Variants in SPEN observed in about 807,000 individuals in gnomAD.
The protein encoded by SPEN is msx2-interacting protein.
In SPEN, 18 loss-of-function variants were observed where a neutral mutation model predicts 269.9. That is an observed-to-expected ratio of 0.07 (90% CI 0.05 to 0.10). The LOEUF (loss-of-function observed/expected upper bound fraction) is 0.10, where lower values mean the gene tolerates loss of function less well. SPEN is among the 10% of genes least tolerant of loss of function. The pLI, the probability that SPEN is intolerant of heterozygous loss-of-function variation, is 1.00. For synonymous variants in SPEN, 1,726 were observed against 1,765.7 expected, an observed-to-expected ratio of 0.98 and a Z score of 0.56; for missense variants, 3,822 against 4,631.2, an observed-to-expected ratio of 0.83 and a Z score of 5.07.
chr1:15,868,617 G>A (rs901371020), intron 1 of SPEN, among the ~76,000 whole-genome samples: 3 of 151,906 alleles, frequency 2.0e-5, no homozygotes, highest in Non-Finnish European at 2.9e-5. Flanking sequence ...TGTATTTTTA[G>A]TAGAGATGGG....
At chr1:15,881,989 C>T (rs139642392) in intron 3 of SPEN, among the ~76,000 whole-genome samples, 1 of 152,282 alleles carries the variant, frequency 6.6e-6, no homozygotes, top group African/African-American at 2.4e-5. Flanking sequence ...AAATTAATCA[C>T]CCTCCATCCT....
chr1:15,869,305 T>G (rs1179058222), intron 1 of SPEN, among the ~76,000 whole-genome samples: 2 of 152,096 alleles, frequency 1.3e-5, no homozygotes, highest in African/African-American at 4.8e-5. Flanking sequence ...TCTGCCTGCC[T>G]TGGCCCTCCC....
intron 1 of SPEN, among the ~76,000 whole-genome samples, chr1:15,855,542 T>C (rs1406870780): frequency 6.6e-6 from 1 of 152,188 alleles, no homozygotes; most frequent in Non-Finnish European, 1.5e-5. Flanking sequence ...AAGTATTTTG[T>C]CTGAACCAGT....
chr1:15,879,549 A>G (rs1031355459), intron 3 of SPEN, among the ~76,000 whole-genome samples: 15 of 152,178 alleles, frequency 9.9e-5, no homozygotes, highest in Admixed American at 6.6e-5. Context: ...AATTACAATA[A>G]AAAAGTTAGT....
At chr1:15,915,710 A>AT (rs989971719) in intron 5 of SPEN, among the ~76,000 whole-genome samples, 27 of 151,208 alleles carry the variant, frequency 1.8e-4, no homozygotes, top group Admixed American at 1.2e-3. Flanking sequence ...AATTTTTTGT[A>AT]TTTTTTTTGG....
intron 1 of SPEN, among the ~76,000 whole-genome samples, chr1:15,853,625 C>T (rs1455383855): frequency 6.6e-6 from 1 of 151,812 alleles, no homozygotes; most frequent in African/African-American, 2.4e-5. Context: ...TCCTGAATAG[C>T]TGGGATTATA....
intron 3 of SPEN, among the ~76,000 whole-genome samples, chr1:15,876,914 A>G (rs1343529415): frequency 6.6e-6 from 1 of 152,228 alleles, no homozygotes; most frequent in Non-Finnish European, 1.5e-5. Flanking sequence ...TTAAAATTAA[A>G]TGATCAAAGT....
chr1:15,908,349 C>T (rs1008259827), intron 3 of SPEN, among the ~76,000 whole-genome samples: 1 of 152,178 alleles, frequency 6.6e-6, no homozygotes, highest in African/African-American at 2.4e-5. Context: ...TAGGTGTGAG[C>T]CACCACACCC....
At chr1:15,859,615 C>T (rs1054408492) in intron 1 of SPEN, among the ~76,000 whole-genome samples, 7 of 151,824 alleles carry the variant, frequency 4.6e-5, no homozygotes, top group African/African-American at 1.5e-4. Context: ...GTGATCCGCC[C>T]GCCTCGGCCT....
At position 15,920,899 on chromosome 1, in the gene SPEN, C is replaced by T; in HGVS notation, c.1665C>T (p.Ala555=). 2 of 1,612,192 alleles carry T rather than the reference C, an allele frequency of 1.2e-6. No individual in the cohort carries two copies. The highest frequency in any genetic ancestry group is 1.7e-6 in the Non-Finnish European group (2 of 1,179,360). ...TGTTTGACCGCTTAAAAGGCATGGC[C>T]CTGGTTCTCTACAATGAAATTGAAT... The part of the protein sequence containing the change: ...KVVFDRLKGM[A]LVLYNEIEYA... The change falls in exon 9 of 15, where the codon GCC becomes GCT. Residue 555 remains alanine (A), a synonymous_variant. Transcript: ENST00000375759.
At position 15,848,561 on chromosome 1, in the gene SPEN, C is replaced by T. The variant is rs1422862705; in HGVS notation, c.83+411C>T. ...ACCCGAGCCCGCCCGACAGCCGGGT[C>T]CGGCGCCGCCACTCCAAGCTGCTCT... On this transcript the variant is annotated intron_variant, in intron 1 of 14. Coordinates refer to ENST00000375759, the MANE Select transcript of SPEN (RefSeq NM_015001.3). This position sits in a 1 kb window ranked among gnomAD's most constrained non-coding sequence, Gnocchi z 5.1. Among the ~76,000 whole-genome samples the T allele has an allele frequency of 6.6e-6, 1 of 152,082 alleles. No homozygotes were observed. The highest frequency in any genetic ancestry group is 1.5e-5 in the Non-Finnish European group (1 of 67,964).
chr1:15,876,797 T>C (rs1293942938), intron 3 of SPEN, 119 bp downstream of exon 3: 2 of 804,420 alleles, frequency 2.5e-6, no homozygotes, highest in African/African-American at 3.5e-5. Context: ...CATATATGTA[T>C]GTAATCAGTA....
At chr1:15,912,469 A>C (rs758362651) in intron 5 of SPEN, among the ~76,000 whole-genome samples, 13 of 152,200 alleles carry the variant, frequency 8.5e-5, no homozygotes, top group Non-Finnish European at 1.6e-4. Context: ...TTATAGGATA[A>C]ATATGAATAT....
Position 15,931,875 on chromosome 1 carries a change from G to C in SPEN, c.5635G>C (p.Ala1879Pro). Residue 1879 changes from alanine (A) to proline (P), a missense_variant, in exon 11 of 15, where the codon GCT becomes CCT. Physicochemically the swap from Ala to Pro is conservative, Grantham distance 27. Around this residue, in one of 16 missense-constraint regions of SPEN, gnomAD observed 533 missense variants for 618.8 expected, o/e 0.86. Coordinates refer to ENST00000375759, the MANE Select transcript of SPEN (RefSeq NM_015001.3). The surrounding 1 kb of genome is among the most constrained non-coding windows in gnomAD (Gnocchi z 4.8). ...KMEAEKITRTASKNSAADLEH... is the reference protein window; with the variant it reads ...KMEAEKITRTPSKNSAADLEH... ...GGAGGCAGAGAAGATTACAAGGACT[G>C]CTTCTAAAAACTCTGCTGCAGACCT... 6.2e-7 allele frequency: 1 copy of C among 1,614,224 alleles called. No homozygotes were observed. The highest frequency in any genetic ancestry group is 8.5e-7 in the Non-Finnish European group (1 of 1,180,046).
At chr1:15,936,541 T>C (rs2071277081) in intron 11 of SPEN, among the ~76,000 whole-genome samples, 1 of 150,656 alleles carries the variant, frequency 6.6e-6, no homozygotes, top group Non-Finnish European at 1.5e-5. Context: ...TTCAGCTACC[T>C]GGGAGGCTGA....
intron 1 of SPEN, among the ~76,000 whole-genome samples, chr1:15,863,802 C>T (rs1339059413): frequency 6.6e-6 from 1 of 152,096 alleles, no homozygotes; most frequent in African/African-American, 2.4e-5. Context: ...GATTGCACCA[C>T]TGCACTCCAG....
At chr1:15,862,239 A>C (rs965710747) in intron 1 of SPEN, among the ~76,000 whole-genome samples, 13 of 152,188 alleles carry the variant, frequency 8.5e-5, no homozygotes, top group South Asian at 4.1e-4. Flanking sequence ...TGCTTTGTTT[A>C]CTGTCATTAC....
chr1:15,911,685 G>T (rs909898134), intron 5 of SPEN, among the ~76,000 whole-genome samples: 4 of 152,230 alleles, frequency 2.6e-5, no homozygotes, highest in African/African-American at 9.6e-5. Flanking sequence ...TTCTGGTTGG[G>T]CGCAGTGGCT....
At chr1:15,900,948 A>G (rs935936864) in intron 3 of SPEN, among the ~76,000 whole-genome samples, 1 of 152,052 alleles carries the variant, frequency 6.6e-6, no homozygotes, top group Non-Finnish European at 1.5e-5. Context: ...TTGAAAGATC[A>G]TGAGGTCTGC....
Sources: gnomAD v4.1 joint callset for allele counts (sites outside exome capture counted in the v4.1 genomes callset) on GRCh38, gnomAD v4.1.1 for gene constraint, gnomAD v4.1.1 regional missense constraint, Gnocchi (gnomAD v3.1) non-coding constraint, MANE v1.5 for transcripts, NCBI Gene and HGNC (gene_info 2026-07-23, HGNC 2026-07-21) for gene names.